The following SGIP1 variants were observed in gnomAD, a reference collection of about 807,000 sequenced individuals.
The protein encoded by SGIP1 is SH3GL interacting endocytic adaptor 1.
A neutral mutation model predicts 107.5 loss-of-function variants in SGIP1; 38 were observed. The ratio of observed to expected loss-of-function variants is 0.35; its 90% CI spans 0.27 to 0.46. SGIP1 has a LOEUF of 0.46. Among genes scored for constraint, SGIP1 ranks in the 20% least tolerant of loss-of-function variants. The pLI, the probability that SGIP1 is intolerant of heterozygous loss-of-function variation, is 1.00. For missense variants in SGIP1, 929 were observed against 1,019.5 expected, an observed-to-expected ratio of 0.91 and a Z score of 1.21; for synonymous variants, 365 against 366.1, an observed-to-expected ratio of 1.00 and a Z score of 0.03.
In SGIP1 at chr1:66,660,504, C is replaced by T. The variant is rs778684313; in HGVS notation, c.460-9C>T. 3.7e-5 allele frequency: 60 copies of T among 1,609,396 alleles called. No homozygotes were observed. Among genetic ancestry groups the T allele is most frequent in the Non-Finnish European group, 4.8e-5 (56 of 1,175,940 alleles). On this transcript the variant is annotated splice_polypyrimidine_tract_variant and intron_variant, in intron 7 of 24. Transcript: ENST00000371037. ...TCTTTATTCTTCCTCCCCATGCCTA[C>T]GCTTTTAGAGGAAAAGTCCGGTAAG...
At chr1:66,679,652 A>G in intron 13 of SGIP1, 26 bp from the exon 14 acceptor site, 1 of 1,599,384 alleles carries the variant, frequency 6.3e-7, no homozygotes. Context: ...ATGACCAATG[A>G]TACTTAATTT....
At chr1:66,695,293 T>C in intron 17 of SGIP1, 141 bp from the exon 18 acceptor site, 3 of 1,381,792 alleles carry the variant, frequency 2.2e-6, no homozygotes, top group Non-Finnish European at 1.9e-6. Flanking sequence ...CAGCCTTCCC[T>C]TTTTCCTGCA....
chr1:66,580,752 T>C (rs2061702412), intron 1 of SGIP1, among the ~76,000 whole-genome samples: 1 of 152,180 alleles, frequency 6.6e-6, no homozygotes, highest in African/African-American at 2.4e-5. Context: ...AGGTACTCAA[T>C]AAATGTTTTG....
Position 66,749,052 on chromosome 1 carries a change from T to A in SGIP1, c.*5957T>A, listed in dbSNP as rs2094590365. Among the ~76,000 whole-genome samples, 1 of 152,080 alleles carries A rather than the reference T, an allele frequency of 6.6e-6. No homozygotes were observed. Among genetic ancestry groups the A allele is most frequent in the Non-Finnish European group, 1.5e-5 (1 of 67,912 alleles). ...TTAATTTTAAGAGAATTCCTGTCAT[T>A]TCAAATGAATTGTTATCTATTTTAA... is the stretch of plus-strand genomic sequence containing the variant. On this transcript the variant is annotated 3_prime_UTR_variant, in exon 25 of 25. Transcript: ENST00000371037.
At chr1:66,630,026 C>T (rs1010119359) in intron 2 of SGIP1, among the ~76,000 whole-genome samples, 5 of 152,116 alleles carry the variant, frequency 3.3e-5, no homozygotes, top group Admixed American at 1.3e-4. Context: ...GCTAGGAAAT[C>T]GACATTGGTT....
intron 1 of SGIP1, among the ~76,000 whole-genome samples, chr1:66,592,811 C>A (rs1029900318): frequency 1.8e-4 from 27 of 151,178 alleles, no homozygotes; most frequent in African/African-American, 6.3e-4. Flanking sequence ...ACTTTTTCTA[C>A]GATTTCATAT....
At chr1:66,695,227 C>CTTTGCT in intron 17 of SGIP1, 2 of 1,051,212 alleles carry the variant, frequency 1.9e-6, no homozygotes, top group East Asian at 2.8e-5. Context: ...GCCTCCATAG[C>CTTTGCT]TTTGCTTTTG....
intron 1 of SGIP1, among the ~76,000 whole-genome samples, chr1:66,614,147 G>T (rs938119605): frequency 9.2e-5 from 14 of 152,194 alleles, no homozygotes; most frequent in Non-Finnish European, 1.9e-4. Context: ...GTATTTAAAT[G>T]TTTGAAATAG....
intron 12 of SGIP1, 26 bp downstream of exon 12, chr1:66,673,392 T>C (rs753088447): frequency 6.4e-7 from 1 of 1,555,846 alleles, no homozygotes; most frequent in Non-Finnish European, 8.6e-7. Flanking sequence ...CCATATATTA[T>C]AGATTTGTTT....
At chr1:66,704,833 G>A (rs1199573471) in intron 18 of SGIP1, 1 of 152,160 alleles carries the variant, frequency 6.6e-6, no homozygotes, top group African/African-American at 2.4e-5. Context: ...TGTGTCTGCT[G>A]TGGATATATT....
At chr1:66,697,865 T>C (rs973345096) in intron 18 of SGIP1, among the ~76,000 whole-genome samples, 1 of 152,180 alleles carries the variant, frequency 6.6e-6, no homozygotes, top group Non-Finnish European at 1.5e-5. Context: ...CTTTATTAAA[T>C]AGGATTTCTA....
intron 2 of SGIP1, among the ~76,000 whole-genome samples, chr1:66,630,498 G>A (rs546252613): frequency 1.3e-5 from 2 of 152,012 alleles, no homozygotes; most frequent in Non-Finnish European, 2.9e-5. Context: ...GTAAGTTGAA[G>A]TCCTAGTAAG....
In SGIP1 at chr1:66,690,372, A is replaced by G. The variant is rs1571876329; in HGVS notation, c.1570+56A>G. On this transcript the variant is annotated intron_variant, in intron 17 of 24. Coordinates refer to ENST00000371037, the MANE Select transcript of SGIP1 (RefSeq NM_032291.4). The stretch of plus-strand genomic sequence containing the variant: ...TTGTGGTTTTGACTGGCTATTTTTT[A>G]TGATCTGAAATCCCCAAGGCCCTGT... The G allele has an allele frequency of 3.7e-6, 6 of 1,603,454 alleles. No homozygotes were observed. The East Asian group carries it at 1.1e-4, about 30-fold the overall frequency.
chr1:66,540,266 A>G (rs547291585), intron 1 of SGIP1, among the ~76,000 whole-genome samples: 1 of 152,326 alleles, frequency 6.6e-6, no homozygotes, highest in Admixed American at 6.5e-5. Flanking sequence ...GAAAATATGT[A>G]CTTGAGCTTG....
At chr1:66,695,394 C>T in intron 17 of SGIP1, 40 bp from the exon 18 acceptor site, 1 of 1,613,900 alleles carries the variant, frequency 6.2e-7, no homozygotes, top group Non-Finnish European at 8.5e-7. Context: ...TCTCCCTTTC[C>T]TTAACCCTTC....
chr1:66,702,715 T>A (rs1376169900), intron 18 of SGIP1, among the ~76,000 whole-genome samples: 1 of 152,194 alleles, frequency 6.6e-6, no homozygotes, highest in Non-Finnish European at 1.5e-5. Flanking sequence ...TCACTGATAA[T>A]GTAGTTTCTT....
intron 1 of SGIP1, among the ~76,000 whole-genome samples, chr1:66,594,898 C>T (rs943674755): frequency 6.6e-6 from 1 of 152,104 alleles, no homozygotes; most frequent in Non-Finnish European, 1.5e-5. Flanking sequence ...TCTAAACACT[C>T]AAATATTAGG....
chr1:66,653,967 G>C (rs2079215366), intron 7 of SGIP1, among the ~76,000 whole-genome samples: 1 of 152,148 alleles, frequency 6.6e-6, no homozygotes, highest in Non-Finnish European at 1.5e-5. Context: ...TGAATGTTGG[G>C]TTTCTAACAA....
At chr1:66,717,940 C>A (rs530982046) in intron 18 of SGIP1, among the ~76,000 whole-genome samples, 1 of 152,196 alleles carries the variant, frequency 6.6e-6, no homozygotes, top group South Asian at 2.1e-4. Flanking sequence ...GGACAACGAC[C>A]ATGTGTTTTT....
Sources: gnomAD v4.1 joint callset for allele counts (sites outside exome capture counted in the v4.1 genomes callset) on GRCh38, gnomAD v4.1.1 for gene constraint, MANE v1.5 for transcripts, NCBI Gene and HGNC (gene_info 2026-07-23, HGNC 2026-07-21) for gene names.